LGALS4: variants seen among roughly 807,000 people sequenced by gnomAD.
LGALS4 encodes the protein galectin-4.
A neutral mutation model predicts 39.6 loss-of-function variants in LGALS4; 37 were observed. The ratio of observed to expected loss-of-function variants is 0.93; its 90% CI spans 0.72 to 1.23. The LOEUF is 1.23. Ranked by LOEUF, LGALS4 falls within the 50% of genes most tolerant of loss-of-function variation. LGALS4 has a pLI of 0.00. For synonymous variants in LGALS4, 160 were observed against 165.5 expected (o/e 0.97, Z 0.25); for missense variants, 397 against 433.2 (o/e 0.92, Z 0.74).
rs140480038 is a variant in LGALS4 at position 38,803,775 on chromosome 19, G to A, written c.507C>T (p.Pro169=). 6.3e-5 allele frequency: 101 copies of A among 1,613,658 alleles called. No individual in the cohort carries two copies. The African/African-American group carries it at 8.5e-4, about 14-fold the overall frequency. ...TGTTCAGCTGTTGATGGCAATGTCCGGGACCCTGAACGATGGACAGAAGGC... is the reference window on the plus strand; with the variant it reads ...TGTTCAGCTGTTGATGGCAATGTCCAGGACCCTGAACGATGGACAGAAGGC... The part of the protein sequence containing the change: ...GPPMMPPYPG[P]GHCHQQLNSL... The change falls in exon 6 of 10, where the codon CCC becomes CCT. Residue 169 remains proline, a synonymous_variant. Coordinates refer to ENST00000307751, the MANE Select transcript of LGALS4 (RefSeq NM_006149.4).
intron 4 of LGALS4, among the ~76,000 whole-genome samples, chr19:38,806,241 T>G (rs566143220): frequency 1.2e-3 from 162 of 140,632 alleles, no homozygotes; most frequent in Non-Finnish European, 1.8e-3. Context: ...GGTGGCAGGC[T>G]CCTGTAGTCC....
At position 38,812,503 on chromosome 19, in the gene LGALS4, T is replaced by TGGTA; in HGVS notation, c.58_61dup (p.Gln21LeufsTer50). On this transcript the variant is annotated frameshift_variant, in exon 2 of 10. Transcript: ENST00000307751. LOFTEE classifies it high-confidence loss of function. ...CACGTTGAGCCCGCCCGGGATGGGC[T>TGGTA]GGTAGTAAGGCAGCGTCTGGAGAAG... The TGGTA allele has an allele frequency of 6.2e-7, 1 of 1,614,192 alleles. No individual in the cohort carries two copies. Among genetic ancestry groups the TGGTA allele is most frequent in the Non-Finnish European group, 8.5e-7 (1 of 1,180,020 alleles).
rs374182538 is a variant in LGALS4, at chr19:38,802,049, C to T, written c.768G>A (p.Trp256Ter). ...VVRNSLLNGS[W>*]GSEEKKITHN... ...GGGTGATCTTCTTCTCCTCGGATCC[C>T]CACGAGCCATTCAGAAGGCTGTTCC... Residue 256 changes from tryptophan to a stop codon, truncating the protein, a stop_gained, in exon 9 of 10, where the codon TGG becomes TGA. Transcript: ENST00000307751. LOFTEE classifies it high-confidence loss of function. 1.3e-4 allele frequency: 207 copies of T among 1,614,098 alleles called. No individual in the cohort carries two copies. The highest frequency in any genetic ancestry group is 1.7e-4 in the Non-Finnish European group (200 of 1,180,042).
intron 3 of LGALS4, among the ~76,000 whole-genome samples, chr19:38,807,699 G>A (rs981892677): frequency 4.6e-5 from 7 of 152,096 alleles, no homozygotes; most frequent in African/African-American, 1.7e-4. Context: ...GGGAAATGTG[G>A]GGAAAAGAAA....
chr19:38,808,012 A>G (rs1007387507), intron 3 of LGALS4, among the ~76,000 whole-genome samples: 20 of 151,880 alleles, frequency 1.3e-4, no homozygotes, highest in South Asian at 2.1e-4. Context: ...GCCTAGGAAA[A>G]CCAGAGACCT....
intron 4 of LGALS4, 79 bp downstream of exon 4, chr19:38,806,382 A>G: frequency 6.6e-7 from 1 of 1,512,496 alleles, no homozygotes. Context: ...AAAAAAGAAA[A>G]AAAGAAAAAA....
chr19:38,803,060 G>C (rs1971379617), intron 7 of LGALS4: 1 of 136,034 alleles, frequency 7.4e-6, no homozygotes, highest in African/African-American at 2.9e-5. Flanking sequence ...CTGTCACCAG[G>C]TTGGAGTACT....
At chr19:38,805,075 G>A (rs1041809830) in intron 4 of LGALS4, among the ~76,000 whole-genome samples, 4 of 150,936 alleles carry the variant, frequency 2.7e-5, no homozygotes, top group African/African-American at 9.7e-5. Context: ...GAGGTGGGAG[G>A]ATCACTTGAA....
At chr19:38,809,876 C>T (rs921686729) in intron 2 of LGALS4, among the ~76,000 whole-genome samples, 1 of 152,064 alleles carries the variant, frequency 6.6e-6, no homozygotes, top group Non-Finnish European at 1.5e-5. Flanking sequence ...CAGGCCCTGT[C>T]CTATGCACTT....
At position 38,802,146 on chromosome 19, in the gene LGALS4, T is replaced by C; in HGVS notation, c.671A>G (p.Asn224Ser). 6.2e-7 allele frequency: 1 copy of C among 1,613,718 alleles called. No individual in the cohort carries two copies. Among genetic ancestry groups the C allele is most frequent in the Non-Finnish European group, 8.5e-7 (1 of 1,179,782 alleles). ...GTCCCCTGAGGAGCCCACCTTGAAG[T>C]TGATAGCAAAGCTGGGGACAGAGAG... ...VPPTGKSFAI[N>S]FKVGSSGDIA... The change falls in exon 9 of 10, where the codon AAC becomes AGC. Residue 224 changes from asparagine (N) to serine (S), a missense_variant. By Grantham distance (46) the Asn-to-Ser change is conservative. Coordinates refer to ENST00000307751, the MANE Select transcript of LGALS4 (RefSeq NM_006149.4).
chr19:38,812,806 G>A (rs1316542849), intron 1 of LGALS4, 36 bp downstream of exon 1: 2 of 1,606,406 alleles, frequency 1.2e-6, no homozygotes, highest in Non-Finnish European at 1.7e-6. Flanking sequence ...TATGGACGGA[G>A]CTGCGGGCGG....
rs754535382 is a variant in LGALS4, at chr19:38,812,872, G to A, written c.15C>T (p.Pro5=). The change falls in exon 1 of 10, where the codon CCC becomes CCT. Residue 5 remains proline, a synonymous_variant. Transcript: ENST00000307751. MAYV[P]APGYQPTYNP... ...TGTAGGTGGGCTGGTAGCCCGGTGC[G>A]GGGACATAGGCCATCGCTCGAGGCT... 4.2e-5 allele frequency: 68 copies of A among 1,611,880 alleles called. No individual in the cohort carries two copies. The highest frequency in any genetic ancestry group is 1.5e-4 in the African/African-American group (11 of 74,892).
intron 2 of LGALS4, among the ~76,000 whole-genome samples, chr19:38,809,464 G>A (rs1971467203): frequency 1.3e-5 from 2 of 151,676 alleles, no homozygotes; most frequent in African/African-American, 2.4e-5. Flanking sequence ...ACAGGTGTGA[G>A]ACACCGTGCC....
chr19:38,812,261 C>T (rs751628162), intron 2 of LGALS4, among the ~76,000 whole-genome samples, 170 bp downstream of exon 2: 1 of 152,172 alleles, frequency 6.6e-6, no homozygotes, highest in Non-Finnish European at 1.5e-5. Context: ...CTGGCCCCCA[C>T]GTCCCCACTC....
At position 38,803,532 on chromosome 19, in the gene LGALS4, GT is replaced by G; in HGVS notation, c.559del (p.Thr187ProfsTer47). ...TTCCCCAAGCCATACCGGGTTGAAGGTTGGGGGTCCTTCCATGGTCTGTGAA... is the reference window on the plus strand; with the variant it reads ...TTCCCCAAGCCATACCGGGTTGAAGGTGGGGGTCCTTCCATGGTCTGTGAA... ...NSLPTMEGPPTFNPPVPYFGR... is the reference protein window; with the variant it reads ...NSLPTMEGPPXFNPPVPYFGR... On this transcript the variant is annotated frameshift_variant, in exon 7 of 10. Coordinates refer to ENST00000307751, the MANE Select transcript of LGALS4 (RefSeq NM_006149.4). LOFTEE classifies it high-confidence loss of function. The G allele has an allele frequency of 2.5e-6, 4 of 1,614,100 alleles. No individual in the cohort carries two copies. The highest frequency in any genetic ancestry group is 3.4e-6 in the Non-Finnish European group (4 of 1,179,984).
Position 38,812,589 on chromosome 19 carries a change from AG to A in LGALS4, c.46-71del, listed in dbSNP as rs373074070. The A allele has an allele frequency of 2.2e-4, 306 of 1,417,104 alleles. No homozygotes were observed. The South Asian group carries it at 2.3e-3, about 11-fold the overall frequency. The allele number at this position is 1,417,104 out of a possible 1,614,324, so 87.8% of individuals were successfully genotyped here. On this transcript the variant is annotated intron_variant, in intron 1 of 9. Coordinates refer to ENST00000307751, the MANE Select transcript of LGALS4 (RefSeq NM_006149.4). ...TTGCAGCCTTTACCCCTCCCAGAAA[AG>A]CCCCCCAGTCCCTTAAGCAGGAGAG...
intron 4 of LGALS4, among the ~76,000 whole-genome samples, chr19:38,806,003 C>G (rs547838387): frequency 3.8e-4 from 58 of 152,056 alleles, no homozygotes; most frequent in Admixed American, 3.4e-3. Flanking sequence ...AACTGGGAGG[C>G]AGAGGTTGCA....
At chr19:38,803,611 C>T (rs1449734161) in intron 6 of LGALS4, 60 bp from the exon 7 acceptor site, 4 of 1,601,340 alleles carry the variant, frequency 2.5e-6, no homozygotes, top group African/African-American at 2.7e-5. Flanking sequence ...CTATGACACA[C>T]CCATTAGACT....
intron 2 of LGALS4, among the ~76,000 whole-genome samples, chr19:38,811,278 A>G (rs1161912104): frequency 6.6e-6 from 1 of 151,992 alleles, no homozygotes; most frequent in Non-Finnish European, 1.5e-5. Flanking sequence ...TCACTCCTCC[A>G]TCCCTAGTGC....
Sources: gnomAD v4.1 joint callset for allele counts (sites outside exome capture counted in the v4.1 genomes callset) on GRCh38, gnomAD v4.1.1 for gene constraint, MANE v1.5 for transcripts, NCBI Gene and HGNC (gene_info 2026-07-23, HGNC 2026-07-21) for gene names.